ACSM5: variants seen among roughly 807,000 people sequenced by gnomAD.
The protein encoded by ACSM5 is acyl-coenzyme A synthetase ACSM5, mitochondrial.
In ACSM5, 56 loss-of-function variants were observed where a neutral mutation model predicts 71.6. The observed-to-expected ratio is 0.78, with a 90% CI of 0.63 to 0.98. The LOEUF (loss-of-function observed/expected upper bound fraction) is 0.98, where lower values mean the gene tolerates loss of function less well. Ranked by LOEUF, ACSM5 falls within the 50% of genes least tolerant of loss-of-function variation. The probability of loss-of-function intolerance (pLI) is 0.00; values close to 1 mark genes in which losing one functional copy is unlikely to be tolerated. For synonymous variants in ACSM5, 285 were observed against 281.5 expected (o/e 1.01, Z -0.12); for missense variants, 723 against 726.0 (o/e 1.00, Z 0.05).
chr16:20,414,424 T>A (rs756713132), intron 2 of ACSM5, among the ~76,000 whole-genome samples: 25 of 152,260 alleles, frequency 1.6e-4, no homozygotes, highest in Non-Finnish European at 2.4e-4. Context: ...ATCCAAGGAA[T>A]GTGAATTGCC....
chr16:20,433,420 G>C (rs1434796091), intron 10 of ACSM5, among the ~76,000 whole-genome samples: 1 of 152,016 alleles, frequency 6.6e-6, no homozygotes, highest in Non-Finnish European at 1.5e-5. Context: ...ATTTTCCTAG[G>C]GAAACAAATT....
At chr16:20,440,042 G>C (rs1455159578) in intron 13 of ACSM5, 123 bp downstream of exon 13, 1 of 1,278,030 alleles carries the variant, frequency 7.8e-7, no homozygotes, top group Non-Finnish European at 1.1e-6. Context: ...TTGTAACCCT[G>C]GCTGCTGCTT....
intron 10 of ACSM5, among the ~76,000 whole-genome samples, chr16:20,435,160 G>A (rs1439537606): frequency 2.0e-5 from 3 of 152,146 alleles, no homozygotes; most frequent in African/African-American, 4.8e-5. Flanking sequence ...AGCCTCCCAA[G>A]TAGCTGGGAT....
chr16:20,432,704 G>A (rs1190334978), intron 10 of ACSM5, among the ~76,000 whole-genome samples: 1 of 152,036 alleles, frequency 6.6e-6, no homozygotes, highest in East Asian at 1.9e-4. Context: ...TACTGCACTT[G>A]TACACTTTCT....
chr16:20,435,913 CCTTT>C (rs757307223), intron 10 of ACSM5, among the ~76,000 whole-genome samples: 381 of 150,540 alleles, frequency 2.5e-3, no homozygotes, highest in Middle Eastern at 3.4e-3. Context: ...TCCCACCCTC[CCTTT>C]CTTTCTTTCT....
intron 10 of ACSM5, among the ~76,000 whole-genome samples, chr16:20,435,804 T>A (rs1205980660): frequency 6.6e-6 from 1 of 152,206 alleles, no homozygotes. Flanking sequence ...TATTGCTGAG[T>A]AGTAGCTTTT....
intron 8 of ACSM5, among the ~76,000 whole-genome samples, chr16:20,430,786 G>A (rs865878079): frequency 7.7e-6 from 1 of 130,084 alleles, no homozygotes; most frequent in East Asian, 2.7e-4. Context: ...AGGAAAGGAA[G>A]GAGTGAGCAA....
At chr16:20,436,112 T>TTCTTTCTTTC (rs371412424) in intron 10 of ACSM5, among the ~76,000 whole-genome samples, 60,335 of 141,098 alleles carry the variant, frequency 0.43, 14,142 homozygotes, top group East Asian at 0.77. Context: ...TTCTTTCTTT[T>TTCTTTCTTTC]TCTCTTTCTT....
chr16:20,426,498 G>A (rs964100233), intron 6 of ACSM5, among the ~76,000 whole-genome samples: 11 of 152,138 alleles, frequency 7.2e-5, no homozygotes, highest in African/African-American at 2.7e-4. Context: ...AAAGGTGAAA[G>A]CAACACAAGT....
At chr16:20,435,989 T>C (rs970604378) in intron 10 of ACSM5, among the ~76,000 whole-genome samples, 2 of 150,188 alleles carry the variant, frequency 1.3e-5, no homozygotes, top group African/African-American at 4.9e-5. Flanking sequence ...TTTCTTTCTT[T>C]CTTTTCTTTC....
At chr16:20,414,425 G>C (rs956281390) in intron 2 of ACSM5, among the ~76,000 whole-genome samples, 8 of 152,194 alleles carry the variant, frequency 5.3e-5, no homozygotes, top group African/African-American at 1.9e-4. Flanking sequence ...TCCAAGGAAT[G>C]TGAATTGCCT....
At position 20,439,862 on chromosome 16, in the gene ACSM5, G is replaced by A. The variant is rs367777662; in HGVS notation, c.1599G>A (p.Thr533=). Residue 533 remains threonine (T), a synonymous_variant, in exon 13 of 14, where the codon ACG becomes ACA. Transcript: ENST00000331849. Reference sequence around the variant, plus strand: ...CCTCTCATGACCCAGAGGCACTAACGCGGGAACTCCAGGAGCATGTGAAAA... The same window carrying A: ...CCTCTCATGACCCAGAGGCACTAACACGGGAACTCCAGGAGCATGTGAAAA... ...AYSSHDPEAL[T]RELQEHVKRV... is the part of the protein sequence containing the mutation. The A allele has an allele frequency of 9.1e-5, 147 of 1,612,130 alleles. 1 individual carries two copies. In the South Asian group the frequency reaches 1.1e-3, roughly 12 times the overall value.
At chr16:20,431,360 G>A (rs763901919) in intron 10 of ACSM5, 39 bp downstream of exon 10, 3 of 1,505,310 alleles carry the variant, frequency 2.0e-6, no homozygotes, top group Non-Finnish European at 2.8e-6. Context: ...GACAGTGACT[G>A]TGTGCTAAGC....
Position 20,440,450 on chromosome 16 carries a change from T to A in ACSM5, c.*23T>A, listed in dbSNP as rs1395110427. ...TGAGGTGCACCCCAGGAAGGCCCCG[T>A]AGACCTCCGAAGACTCCACAAGAAA... On this transcript the variant is annotated 3_prime_UTR_variant, in exon 14 of 14. Transcript: ENST00000331849. 1.9e-6 allele frequency: 3 copies of A among 1,596,686 alleles called. No homozygotes were observed. The highest frequency in any genetic ancestry group is 2.6e-6 in the Non-Finnish European group (3 of 1,164,040).
At chr16:20,436,558 A>ACAGGTTTTCACTATGTTGGC (rs1278088376) in intron 10 of ACSM5, among the ~76,000 whole-genome samples, 2 of 152,056 alleles carry the variant, frequency 1.3e-5, no homozygotes, top group African/African-American at 4.8e-5. Flanking sequence ...TTTAGTAGAG[A>ACAGGTTTTCACTATGTTGGC]CAGGTTTTCA....
chr16:20,429,963 T>G (rs72776692), intron 8 of ACSM5, among the ~76,000 whole-genome samples, 162 bp downstream of exon 8: 13,105 of 152,136 alleles, frequency 0.086, 690 homozygotes, highest in East Asian at 0.19. Context: ...GATTTCCATA[T>G]GTTCTCACTT....
intron 5 of ACSM5, among the ~76,000 whole-genome samples, chr16:20,422,883 C>T (rs1966905231): frequency 6.6e-6 from 1 of 152,114 alleles, no homozygotes; most frequent in Non-Finnish European, 1.5e-5. Context: ...GAGGAATGGC[C>T]TGAACAACTG....
At chr16:20,415,746 A>G (rs1966855106) in intron 2 of ACSM5, among the ~76,000 whole-genome samples, 1 of 152,240 alleles carries the variant, frequency 6.6e-6, no homozygotes, top group Non-Finnish European at 1.5e-5. Context: ...CAAAGCCACA[A>G]TCACAGATGA....
intron 10 of ACSM5, among the ~76,000 whole-genome samples, chr16:20,431,858 G>A: frequency 6.6e-6 from 1 of 152,006 alleles, no homozygotes; most frequent in South Asian, 2.1e-4. Context: ...GGCTGAGACA[G>A]GAGAATTGCT....
Sources: gnomAD v4.1 joint callset for allele counts (sites outside exome capture counted in the v4.1 genomes callset) on GRCh38, gnomAD v4.1.1 for gene constraint, MANE v1.5 for transcripts, NCBI Gene and HGNC (gene_info 2026-07-23, HGNC 2026-07-21) for gene names.